PRKN: variants seen among roughly 807,000 people sequenced by gnomAD.
PRKN encodes E3 ubiquitin-protein ligase parkin.
In PRKN, 56 loss-of-function variants were observed where a neutral mutation model predicts 59.5. The ratio of observed to expected loss-of-function variants is 0.94; its 90% CI spans 0.76 to 1.18. The LOEUF is 1.18. PRKN is among the 50% of genes most tolerant of loss of function. The pLI, the probability that PRKN is intolerant of heterozygous loss-of-function variation, is 0.00. For synonymous variants in PRKN, 250 were observed against 222.1 expected, an observed-to-expected ratio of 1.13 and a Z score of -1.12; for missense variants, 657 against 596.4, an observed-to-expected ratio of 1.10 and a Z score of -1.06.
chr6:161,817,335 A>G (rs1345426523), intron 6 of PRKN, among the ~76,000 whole-genome samples: 2 of 152,344 alleles, frequency 1.3e-5, no homozygotes, highest in South Asian at 2.1e-4. Flanking sequence ...TAGCCCCCTC[A>G]GAACTGGAGA....
At chr6:161,489,627 T>A (rs1307441217) in intron 9 of PRKN, among the ~76,000 whole-genome samples, 1 of 146,976 alleles carries the variant, frequency 6.8e-6, no homozygotes, top group Non-Finnish European at 1.5e-5. Flanking sequence ...ATGTAATAAT[T>A]TTTTTTTGCT....
In PRKN at chr6:162,192,441, GATTTTTT is replaced by G. The variant is rs1215884042; in HGVS notation, c.534+8683_534+8689del. On this transcript the variant is annotated intron_variant, in intron 4 of 11. Coordinates refer to ENST00000366898, the MANE Select transcript of PRKN (RefSeq NM_004562.3). ...TGGTAAGCATTCAATAAATTATAGG[GATTTTTT>G]TTTTTTTTTTTTTTTTTTTTTTTAG... Among the ~76,000 whole-genome samples, 8 of 106,802 alleles carry G rather than the reference GATTTTTT, an allele frequency of 7.5e-5. No homozygotes were observed. In the East Asian group the frequency reaches 2.4e-3, roughly 32 times the overall value. The allele number at this position is 106,802 out of a possible 152,430, so 70.1% of individuals were successfully genotyped here.
At chr6:161,737,619 T>C (rs1282402157) in intron 7 of PRKN, among the ~76,000 whole-genome samples, 1 of 152,198 alleles carries the variant, frequency 6.6e-6, no homozygotes, top group African/African-American at 2.4e-5. Context: ...GGCTCTGTTA[T>C]TATTCCCATT....
Position 161,552,582 on chromosome 6 carries a change from AACAAAAAC to A in PRKN, c.934-3587_934-3580del, listed in dbSNP as rs1479952180. On this transcript the variant is annotated intron_variant, in intron 8 of 11. Coordinates refer to ENST00000366898, the MANE Select transcript of PRKN (RefSeq NM_004562.3). The surrounding 1 kb of genome is among the most constrained non-coding windows in gnomAD (Gnocchi z 4.9). ...TCCAAATCCTTCCACATTGAAAAAA[AACAAAAAC>A]AAAAAACAAAAAACAAAAAACTTTT... Among the ~76,000 whole-genome samples, 532 of 147,156 alleles carry A rather than the reference AACAAAAAC, an allele frequency of 3.6e-3. 10 individuals carry two copies. The East Asian group carries it at 0.059, about 16-fold the overall frequency.
chr6:162,120,137 C>T (rs563813009), intron 4 of PRKN, among the ~76,000 whole-genome samples: 7 of 152,206 alleles, frequency 4.6e-5, no homozygotes, highest in South Asian at 2.1e-4. Context: ...CCCACATCGA[C>T]GAGTAACTGG....
intron 7 of PRKN, among the ~76,000 whole-genome samples, chr6:161,685,997 T>C (rs1345697623): frequency 6.7e-6 from 1 of 149,318 alleles, no homozygotes; most frequent in Non-Finnish European, 1.5e-5. Context: ...TATGTAAATA[T>C]AAGCATTATT....
intron 4 of PRKN, among the ~76,000 whole-genome samples, chr6:162,159,908 G>A (rs1583126493): frequency 6.6e-6 from 1 of 152,150 alleles, no homozygotes; most frequent in African/African-American, 2.4e-5. Flanking sequence ...TCTATGGCTT[G>A]TACCTTGTAA....
At chr6:162,103,060 GA>G (rs967272308) in intron 4 of PRKN, among the ~76,000 whole-genome samples, 10 of 141,192 alleles carry the variant, frequency 7.1e-5, no homozygotes, top group Admixed American at 1.4e-4. Flanking sequence ...AAAAAAAAAA[GA>G]AAAAAAGAAA....
At chr6:161,728,013 G>A (rs1291900051) in intron 7 of PRKN, among the ~76,000 whole-genome samples, 1 of 152,066 alleles carries the variant, frequency 6.6e-6, no homozygotes, top group Admixed American at 6.5e-5. Flanking sequence ...TATTCCAGTG[G>A]AAGATGCCCG....
chr6:161,774,382 G>GCGCGCACA (rs71709903), intron 7 of PRKN, among the ~76,000 whole-genome samples: 26 of 131,032 alleles, frequency 2.0e-4, no homozygotes, highest in Middle Eastern at 3.9e-3. Context: ...TACTCCCTGA[G>GCGCGCACA]CACACACACA....
chr6:162,355,068 C>T (rs1426513898), intron 2 of PRKN, among the ~76,000 whole-genome samples: 1 of 151,594 alleles, frequency 6.6e-6, no homozygotes, highest in Non-Finnish European at 1.5e-5. Flanking sequence ...AAATACAAAG[C>T]CTATAAGACA....
Position 161,780,818 on chromosome 6 carries a change from G to A in PRKN, c.871+4954C>T, listed in dbSNP as rs565308297. On this transcript the variant is annotated intron_variant, in intron 7 of 11. Coordinates refer to ENST00000366898, the MANE Select transcript of PRKN (RefSeq NM_004562.3). ...TAAGCAAGTAATAAACAAAATGAGT[G>A]TCTCTGTTGAGCAAATATTAAAGAA... 7.2e-5 allele frequency among the ~76,000 whole-genome samples: 11 copies of A among 152,248 alleles called. No individual in the cohort carries two copies. The East Asian group carries it at 1.4e-3, about 19-fold the overall frequency.
intron 2 of PRKN, among the ~76,000 whole-genome samples, chr6:162,438,491 TTTTC>T (rs1472569607): frequency 7.4e-6 from 1 of 135,504 alleles, no homozygotes; most frequent in Non-Finnish European, 1.5e-5. Flanking sequence ...TTCGCTTAGT[TTTTC>T]TTTATCTAAA....
chr6:161,945,142 G>C (rs1396740101), intron 6 of PRKN, among the ~76,000 whole-genome samples: 3 of 152,108 alleles, frequency 2.0e-5, no homozygotes, highest in Non-Finnish European at 2.9e-5. Flanking sequence ...CGCTGAAATG[G>C]AGAGAAAGCC....
At chr6:161,823,785 G>A (rs1396485891) in intron 6 of PRKN, among the ~76,000 whole-genome samples, 1 of 152,166 alleles carries the variant, frequency 6.6e-6, no homozygotes, top group African/African-American at 2.4e-5. Context: ...TGCTGAAGCT[G>A]AAGCTTCAGG....
intron 3 of PRKN, among the ~76,000 whole-genome samples, chr6:162,215,769 C>T (rs1562587307): frequency 2.6e-5 from 4 of 152,012 alleles, no homozygotes; most frequent in South Asian, 2.1e-4. Flanking sequence ...AGGGGCAGGC[C>T]GGGCGGTGGC....
At chr6:162,719,380 A>G (rs1355191454) in intron 1 of PRKN, among the ~76,000 whole-genome samples, 1 of 152,038 alleles carries the variant, frequency 6.6e-6, no homozygotes, top group African/African-American at 2.4e-5. Context: ...GAGAGCTATA[A>G]AGGACTTTCA....
At chr6:161,930,032 G>A (rs1019254730) in intron 6 of PRKN, among the ~76,000 whole-genome samples, 6 of 152,182 alleles carry the variant, frequency 3.9e-5, no homozygotes, top group Non-Finnish European at 7.3e-5. Flanking sequence ...TGTTGGCAAT[G>A]CCACTGAATT....
chr6:162,558,343 T>TTTTC (rs1458909298), intron 1 of PRKN, among the ~76,000 whole-genome samples: 7 of 151,542 alleles, frequency 4.6e-5, no homozygotes, highest in Admixed American at 1.3e-4. Context: ...TTTTTTTTTT[T>TTTTC]TCTGAGACGG....
Sources: gnomAD v4.1 joint callset for allele counts (sites outside exome capture counted in the v4.1 genomes callset) on GRCh38, gnomAD v4.1.1 for gene constraint, Gnocchi (gnomAD v3.1) non-coding constraint, MANE v1.5 for transcripts, NCBI Gene and HGNC (gene_info 2026-07-23, HGNC 2026-07-21) for gene names.